Variants in SATB2 observed in about 807,000 individuals in gnomAD.
The protein encoded by SATB2 is SATB homeobox 2, also known as DNA-binding protein SATB2.
A neutral mutation model predicts 73.4 loss-of-function variants in SATB2; 1 was observed. The ratio of observed to expected loss-of-function variants is 0.01; its 90% CI spans 0.00 to 0.06. The LOEUF is 0.06. SATB2 is among the 10% of genes least tolerant of loss of function. SATB2 has a pLI of 1.00. For missense variants in SATB2, 459 were observed against 945.8 expected, an observed-to-expected ratio of 0.49 and a Z score of 6.75; for synonymous variants, 397 against 367.0, an observed-to-expected ratio of 1.08 and a Z score of -0.93.
At chr2:199,448,123 C>T (rs1364751698) in intron 2 of SATB2, among the ~76,000 whole-genome samples, 2 of 152,010 alleles carry the variant, frequency 1.3e-5, no homozygotes, top group East Asian at 1.9e-4. Flanking sequence ...CTGTTAACCC[C>T]CAAAAAATAA....
chr2:199,460,506 AT>A (rs1381547435), upstream of SATB2: 1 of 152,334 alleles, frequency 6.6e-6, no homozygotes, highest in Admixed American at 6.5e-5. The surrounding 1 kb of genome is among the most constrained non-coding windows in gnomAD (Gnocchi z 4.0). Context: ...ACTTAGAAGA[AT>A]TGGTGATATT....
upstream of SATB2, chr2:199,465,284 C>T (rs751549418): frequency 1.3e-5 from 2 of 152,140 alleles, no homozygotes; most frequent in African/African-American, 2.4e-5. Flanking sequence ...TTATTTCTGT[C>T]AACAGAAAAC....
At chr2:199,458,728 G>A (rs969863201), upstream of SATB2, 3 of 430,504 alleles carry the variant, frequency 7.0e-6, no homozygotes, top group East Asian at 1.0e-4. Context: ...TTCGACTTTG[G>A]AGATAGGAGG....
chr2:199,457,881 G>C lies in SATB2; in HGVS notation c.-602C>G, dbSNP rs1218632972. ...GGGAGGAAACGCGGCGGCCGCCCAAGCTGTCACCTCCAGCCTCTCCCCTCT... is the reference window on the plus strand; with the variant it reads ...GGGAGGAAACGCGGCGGCCGCCCAACCTGTCACCTCCAGCCTCTCCCCTCT... On this transcript the variant is annotated 5_prime_UTR_variant, in exon 1 of 11. Coordinates refer to ENST00000417098, the MANE Select transcript of SATB2 (RefSeq NM_001172509.2). This position sits in a 1 kb window ranked among gnomAD's most constrained non-coding sequence, Gnocchi z 4.8. The C allele has an allele frequency of 6.5e-6, 1 of 153,236 alleles. No homozygotes were observed. Among genetic ancestry groups the C allele is most frequent in the East Asian group, 1.9e-4 (1 of 5,164 alleles). 9.5% of individuals were successfully genotyped at this position (153,236 alleles called of 1,614,324 possible). A position where few individuals can be genotyped will look rare whatever the true frequency, so the allele number is the denominator to read the frequency against.
At chr2:199,450,327 T>C (rs1247093466) in intron 2 of SATB2, among the ~76,000 whole-genome samples, 3 of 152,154 alleles carry the variant, frequency 2.0e-5, no homozygotes, top group Non-Finnish European at 2.9e-5. Context: ...CATACAACTT[T>C]TGTCAAATGC....
chr2:199,363,454 A>G (rs1454223229), intron 6 of SATB2, among the ~76,000 whole-genome samples: 1 of 152,228 alleles, frequency 6.6e-6, no homozygotes, highest in Non-Finnish European at 1.5e-5. Context: ...TTGAATTCAT[A>G]GAAGTAGAGA....
intron 6 of SATB2, among the ~76,000 whole-genome samples, chr2:199,364,994 A>T (rs1689240719): frequency 6.6e-6 from 1 of 152,110 alleles, no homozygotes; most frequent in Non-Finnish European, 1.5e-5. Flanking sequence ...AAGAGTTCAG[A>T]CAAAAAAAGT....
At chr2:199,344,286 G>A (rs551840983) in intron 7 of SATB2, among the ~76,000 whole-genome samples, 10 of 152,040 alleles carry the variant, frequency 6.6e-5, no homozygotes, top group Admixed American at 2.6e-4. Flanking sequence ...ACAGAGAACT[G>A]CAAAATACAG....
At chr2:199,410,855 T>C (rs529801748) in intron 3 of SATB2, among the ~76,000 whole-genome samples, 2 of 152,318 alleles carry the variant, frequency 1.3e-5, no homozygotes, top group South Asian at 2.1e-4. Flanking sequence ...AAAACATACA[T>C]TTATGGTCTG....
intron 3 of SATB2, among the ~76,000 whole-genome samples, chr2:199,386,624 T>C (rs1415781428): frequency 6.6e-6 from 1 of 152,158 alleles, no homozygotes; most frequent in Non-Finnish European, 1.5e-5. Context: ...CTATAAGTTT[T>C]GTAACCCCAA....
intron 3 of SATB2, among the ~76,000 whole-genome samples, chr2:199,431,165 A>G (rs1691490535): frequency 1.3e-5 from 2 of 152,182 alleles, no homozygotes; most frequent in South Asian, 2.1e-4. Flanking sequence ...CAAAAGTCAT[A>G]TTTTGTTCTA....
chr2:199,401,696 A>G (rs993100312), intron 3 of SATB2, among the ~76,000 whole-genome samples: 15 of 152,006 alleles, frequency 9.9e-5, no homozygotes, highest in Non-Finnish European at 1.8e-4. Flanking sequence ...AATATGGGGG[A>G]AAAAAATGTG....
At chr2:199,424,585 G>A (rs1278044462) in intron 3 of SATB2, among the ~76,000 whole-genome samples, 1 of 152,054 alleles carries the variant, frequency 6.6e-6, no homozygotes, top group Admixed American at 6.5e-5. Context: ...TCTGGACAAA[G>A]TATTAAAATG....
intron 5 of SATB2, among the ~76,000 whole-genome samples, chr2:199,379,203 TGGA>T (rs1390732167): frequency 8.5e-5 from 13 of 152,276 alleles, no homozygotes; most frequent in African/African-American, 3.1e-4. Context: ...TGAACACAAA[TGGA>T]AAAGGCAGCC....
chr2:199,355,555 A>G (rs1688957798), intron 6 of SATB2, among the ~76,000 whole-genome samples: 1 of 152,100 alleles, frequency 6.6e-6, no homozygotes, highest in Non-Finnish European at 1.5e-5. Context: ...ATGCCTGCCA[A>G]TAATAGCAAG....
chr2:199,291,689 G>A (rs1692866377), intron 10 of SATB2, among the ~76,000 whole-genome samples: 1 of 152,088 alleles, frequency 6.6e-6, no homozygotes, highest in Admixed American at 6.5e-5. Flanking sequence ...GAGGCGGGTG[G>A]ATCACCTGAG....
At chr2:199,321,131 G>A (rs537147964) in intron 9 of SATB2, among the ~76,000 whole-genome samples, 5 of 152,064 alleles carry the variant, frequency 3.3e-5, no homozygotes, top group Admixed American at 6.5e-5. Flanking sequence ...GTTCCTCTCC[G>A]TCCTCACAAT....
chr2:199,280,624 G>T (rs938340016), intron 10 of SATB2, among the ~76,000 whole-genome samples: 1 of 152,048 alleles, frequency 6.6e-6, no homozygotes, highest in Non-Finnish European at 1.5e-5. Flanking sequence ...TGTCTTTTAC[G>T]ATCACAGCTG....
At position 199,306,606 on chromosome 2, in the gene SATB2, C is replaced by T. The variant is rs181605343; in HGVS notation, c.1740+2154G>A. 5.3e-5 allele frequency among the ~76,000 whole-genome samples: 8 copies of T among 152,250 alleles called. No individual in the cohort carries two copies. In the East Asian group the frequency reaches 1.4e-3, roughly 26 times the overall value. ...TTCATGCTTAGCCATTAAATATTGT[C>T]AGCATACTCTAGTTCTGACATACTA... On this transcript the variant is annotated intron_variant, in intron 10 of 10. Coordinates refer to ENST00000417098, the MANE Select transcript of SATB2 (RefSeq NM_001172509.2).
Sources: gnomAD v4.1 joint callset for allele counts (sites outside exome capture counted in the v4.1 genomes callset) on GRCh38, gnomAD v4.1.1 for gene constraint, Gnocchi (gnomAD v3.1) non-coding constraint, MANE v1.5 for transcripts, NCBI Gene and HGNC (gene_info 2026-07-23, HGNC 2026-07-21) for gene names.